The following SP140 variants were observed in gnomAD, a reference collection of about 807,000 sequenced individuals.
SP140 encodes the protein nuclear body protein SP140.
SP140 carries 81 observed loss-of-function variants against 125.0 expected under a neutral mutation model. That is an observed-to-expected ratio of 0.65 (90% CI 0.54 to 0.78). The LOEUF (loss-of-function observed/expected upper bound fraction) is 0.78, where lower values mean the gene tolerates loss of function less well. Ranked by LOEUF, SP140 falls within the 30% of genes least tolerant of loss-of-function variation. The pLI is 0.00. For synonymous variants in SP140, 312 were observed against 354.0 expected (o/e 0.88, Z 1.33); for missense variants, 858 against 1,037.0 (o/e 0.83, Z 2.37).
intron 3 of SP140, among the ~76,000 whole-genome samples, chr2:230,214,545 G>C (rs991429950): frequency 1.3e-5 from 2 of 152,148 alleles, no homozygotes; most frequent in Non-Finnish European, 2.9e-5. Context: ...AAGTGTTTGC[G>C]ATAAGGCACC....
In SP140 at chr2:230,238,530, CAT is replaced by C. The variant is rs1244892157; in HGVS notation, c.406+150_406+151del. 4 of 800,742 alleles carry C rather than the reference CAT, an allele frequency of 5.0e-6. No homozygotes were observed. The South Asian group carries it at 5.5e-5, about 11-fold the overall frequency. 49.6% of individuals were successfully genotyped at this position (800,742 alleles called of 1,614,324 possible). On this transcript the variant is annotated intron_variant, in intron 3 of 26. Coordinates refer to ENST00000392045, the MANE Select transcript of SP140 (RefSeq NM_007237.5). ...GGGAATATAATGATGAAAAAACACA[CAT>C]GTCCCATGTCCTTATGGAGTTTACA... is the stretch of plus-strand genomic sequence containing the variant.
At chr2:230,220,084 A>C in intron 3 of SP140, 9 of 985,532 alleles carry the variant, frequency 9.1e-6, no homozygotes, top group Non-Finnish European at 1.1e-5. Context: ...CGGTGCCTGC[A>C]GCCTCTCTCC....
intron 22 of SP140, among the ~76,000 whole-genome samples, chr2:230,299,121 A>C (rs2058043481): frequency 6.6e-6 from 1 of 152,252 alleles, no homozygotes; most frequent in African/African-American, 2.4e-5. Flanking sequence ...TGGACAGAAC[A>C]GCGTGTTGAG....
At chr2:230,266,005 G>A (rs548108301) in intron 12 of SP140, among the ~76,000 whole-genome samples, 24 of 152,130 alleles carry the variant, frequency 1.6e-4, no homozygotes, top group Non-Finnish European at 2.9e-4. Context: ...TTTTAAAATC[G>A]TGAAGATCTG....
At position 230,229,456 on chromosome 2, in the gene SP140, C is replaced by CTTTT. The variant is rs1163771237; in HGVS notation, c.59+3579_59+3582dup. 4.0e-4 allele frequency among the ~76,000 whole-genome samples: 23 copies of CTTTT among 57,606 alleles called. 1 individual carries two copies. The highest frequency in any genetic ancestry group is 5.7e-4 in the Non-Finnish European group (16 of 27,932). The allele number at this position is 57,606 out of a possible 152,430, so 37.8% of individuals were successfully genotyped here. A position where few individuals can be genotyped will look rare whatever the true frequency, so the allele number is the denominator to read the frequency against. On this transcript the variant is annotated intron_variant, in intron 1 of 26. Coordinates refer to ENST00000392045, the MANE Select transcript of SP140 (RefSeq NM_007237.5). ...ATTTTTCCCTTTGCATGAAGAAATT[C>CTTTT]TTTTTTTTTTTTTTTTTTTTTTTTT...
At chr2:230,209,199 G>T (rs1323805016) in intron 1 of SP140, among the ~76,000 whole-genome samples, 3 of 152,178 alleles carry the variant, frequency 2.0e-5, no homozygotes, top group African/African-American at 7.2e-5. Flanking sequence ...ATCGAGCCAG[G>T]TTTGAATGAC....
At chr2:230,279,115 G>C (rs988160633) in intron 15 of SP140, among the ~76,000 whole-genome samples, 1 of 151,998 alleles carries the variant, frequency 6.6e-6, no homozygotes, top group Non-Finnish European at 1.5e-5. Flanking sequence ...AAGTTAACAA[G>C]AGGTGAAATA....
chr2:230,267,212 G>C lies in SP140; in HGVS notation c.1241-2320G>C, dbSNP rs945954566. 1.4e-4 allele frequency among the ~76,000 whole-genome samples: 22 copies of C among 152,128 alleles called. 1 individual carries two copies. Among genetic ancestry groups the C allele is most frequent in the African/African-American group, 5.3e-4 (22 of 41,410 alleles). On this transcript the variant is annotated intron_variant, in intron 12 of 26. Coordinates refer to ENST00000392045, the MANE Select transcript of SP140 (RefSeq NM_007237.5). ...GAGATTGTAGTAATCTGGTTAGGAG[G>C]TACAGGGAAGTGAGGTATACCTATT...
the SP140 span, among the ~76,000 whole-genome samples, chr2:230,191,947 C>T: frequency 2.0e-5 from 3 of 152,130 alleles, no homozygotes; most frequent in Non-Finnish European, 4.4e-5. Context: ...ATGATCAAGT[C>T]GGTTTCATCT....
chr2:230,273,626 A>T (rs888062924), intron 15 of SP140, among the ~76,000 whole-genome samples: 20 of 152,174 alleles, frequency 1.3e-4, no homozygotes, highest in African/African-American at 4.6e-4. Context: ...AAATCATTCT[A>T]TTATAAAGAC....
intron 19 of SP140, among the ~76,000 whole-genome samples, chr2:230,291,635 T>C (rs2057124909): frequency 6.6e-6 from 1 of 152,258 alleles, no homozygotes; most frequent in Non-Finnish European, 1.5e-5. Flanking sequence ...TGTCATTGTA[T>C]AGATATACCA....
chr2:230,211,583 T>C lies in SP140; in HGVS notation c.-322-2071T>C. On this transcript the variant is annotated intron_variant, in intron 1 of 4. Transcript: ENST00000456542. The surrounding 1 kb of genome is among the most constrained non-coding windows in gnomAD (Gnocchi z 4.2). ...ATGGAGGAAGAAAAAGTTTTAGATC[T>C]CAGGAACAGCAAGCAGGGACCAGAA... The C allele has an allele frequency of 2.3e-6, 3 of 1,293,864 alleles. No individual in the cohort carries two copies. The highest frequency in any genetic ancestry group is 1.2e-5 in the South Asian group (1 of 84,560). The allele number at this position is 1,293,864 out of a possible 1,614,324, so 80.1% of individuals were successfully genotyped here.
chr2:230,284,999 A>G (rs2056168120), intron 16 of SP140, among the ~76,000 whole-genome samples: 1 of 152,184 alleles, frequency 6.6e-6, no homozygotes, highest in Non-Finnish European at 1.5e-5. Context: ...ATATTAAAAT[A>G]TTATAAATCT....
At position 230,243,744 on chromosome 2, in the gene SP140, CTGTCAT is replaced by C. The variant is rs769988934; in HGVS notation, c.505_510del (p.Cys169_His170del). ...TCCTTTCGGCAGAGAACAGCAATGC[CTGTCAT>C]GAAATGGATGATATAGCAGTGCCTC... is the stretch of plus-strand genomic sequence containing the variant. On this transcript the variant is annotated inframe_deletion, in exon 5 of 27. Coordinates refer to ENST00000392045, the MANE Select transcript of SP140 (RefSeq NM_007237.5). 12 of 1,612,208 alleles carry C rather than the reference CTGTCAT, an allele frequency of 7.4e-6. No individual in the cohort carries two copies. The Admixed American group carries it at 2.0e-4, about 27-fold the overall frequency.
chr2:230,295,179 G>A (rs1371363024), intron 21 of SP140, among the ~76,000 whole-genome samples: 1 of 152,228 alleles, frequency 6.6e-6, no homozygotes, highest in Non-Finnish European at 1.5e-5. Context: ...TGAGGAGGGG[G>A]AAGAGAAAAA....
chr2:230,295,546 G>A (rs757730021), intron 21 of SP140, among the ~76,000 whole-genome samples: 1 of 152,192 alleles, frequency 6.6e-6, no homozygotes. Flanking sequence ...GCAGCGACAA[G>A]GTGCAGTTGC....
intron 19 of SP140, among the ~76,000 whole-genome samples, chr2:230,291,450 G>A (rs1186388875): frequency 6.6e-6 from 1 of 152,116 alleles, no homozygotes; most frequent in Non-Finnish European, 1.5e-5. Context: ...TCCCACCTAA[G>A]CAGCCACTAA....
At chr2:230,202,640 G>A (rs367883428), upstream of SP140, 1 of 1,613,778 alleles carries the variant, frequency 6.2e-7, no homozygotes, top group African/African-American at 1.3e-5. Context: ...TCTCTACCGT[G>A]GAGTTACAAG....
In SP140 at chr2:230,249,039, C is replaced by T. The variant is rs529436528; in HGVS notation, c.976+71C>T. ...TCTAGTTGGCATGGAAAAAAAGTTT[C>T]CCTTTCTCCCATCCTACCCTTCCCT... On this transcript the variant is annotated intron_variant, in intron 9 of 26. Coordinates refer to ENST00000392045, the MANE Select transcript of SP140 (RefSeq NM_007237.5). 8 of 1,194,744 alleles carry T rather than the reference C, an allele frequency of 6.7e-6. No homozygotes were observed. The South Asian group carries it at 7.6e-5, about 11-fold the overall frequency. The allele number at this position is 1,194,744 out of a possible 1,614,324, so 74.0% of individuals were successfully genotyped here. A position where few individuals can be genotyped will look rare whatever the true frequency, so the allele number is the denominator to read the frequency against.
Sources: gnomAD v4.1 joint callset for allele counts (sites outside exome capture counted in the v4.1 genomes callset) on GRCh38, gnomAD v4.1.1 for gene constraint, Gnocchi (gnomAD v3.1) non-coding constraint, MANE v1.5 for transcripts, NCBI Gene and HGNC (gene_info 2026-07-23, HGNC 2026-07-21) for gene names.